PALMD: variants seen among roughly 807,000 people sequenced by gnomAD.
PALMD encodes the protein palmdelphin.
In PALMD, 42 loss-of-function variants were observed where a neutral mutation model predicts 56.2. The observed-to-expected ratio is 0.75, with a 90% CI of 0.58 to 0.97. PALMD has a LOEUF of 0.97. PALMD is among the 50% of genes least tolerant of loss of function. The probability of loss-of-function intolerance (pLI) is 0.00; values close to 1 mark genes in which losing one functional copy is unlikely to be tolerated. For synonymous variants in PALMD, 242 were observed against 222.9 expected, an observed-to-expected ratio of 1.09 and a Z score of -0.76; for missense variants, 660 against 643.8, an observed-to-expected ratio of 1.03 and a Z score of -0.27.
chr1:99,649,391 T>C (rs1316564065), intron 1 of PALMD, among the ~76,000 whole-genome samples: 1 of 152,216 alleles, frequency 6.6e-6, no homozygotes, highest in Non-Finnish European at 1.5e-5. Flanking sequence ...AATTCAATAG[T>C]ATTTTGAAAT....
intron 3 of PALMD, 145 bp from the exon 4 acceptor site, chr1:99,686,531 T>G: frequency 1.9e-6 from 1 of 539,264 alleles, no homozygotes; most frequent in South Asian, 3.0e-5. Context: ...CTTAGTGTGA[T>G]GCTAAGTGTG....
At position 99,689,004 on chromosome 1, in the gene PALMD, G is replaced by A. The variant is rs760602990; in HGVS notation, c.744G>A (p.Glu248=). 5.8e-5 allele frequency: 94 copies of A among 1,613,660 alleles called. No individual in the cohort carries two copies. The highest frequency in any genetic ancestry group is 7.9e-5 in the Non-Finnish European group (93 of 1,179,818). The change falls in exon 7 of 8, where the codon GAG becomes GAA. Residue 248 remains glutamate (E), a synonymous_variant. Transcript: ENST00000263174. ...EVEELLRQAS[E]RNSKSPTEYH... is the part of the protein sequence containing the mutation. Reference sequence around the variant, plus strand: ...AGGAACTTCTAAGACAAGCCTCAGAGAGAAACTCTAAATCCCCAACAGAGT... The same window carrying A: ...AGGAACTTCTAAGACAAGCCTCAGAAAGAAACTCTAAATCCCCAACAGAGT...
chr1:99,694,075 CT>C lies in PALMD; in HGVS notation c.*14del. The C allele has an allele frequency of 6.5e-7, 1 of 1,547,616 alleles. No homozygotes were observed. The highest frequency in any genetic ancestry group is 1.7e-4 in the Middle Eastern group (1 of 5,802). ...AAAGGTGATCTAAGAGTTGTACCACCTATATAAACATCCTTTGAAGAAGAAA... is the reference window on the plus strand; with the variant it reads ...AAAGGTGATCTAAGAGTTGTACCACCATATAAACATCCTTTGAAGAAGAAA... On this transcript the variant is annotated 3_prime_UTR_variant, in exon 8 of 8. Transcript: ENST00000263174.
At chr1:99,652,550 G>A (rs1189734874) in intron 1 of PALMD, among the ~76,000 whole-genome samples, 1 of 151,786 alleles carries the variant, frequency 6.6e-6, no homozygotes, top group Non-Finnish European at 1.5e-5. Flanking sequence ...GTTGCAGTGA[G>A]CTGTGATTGC....
chr1:99,687,861 T>C (rs909288694), intron 6 of PALMD, among the ~76,000 whole-genome samples: 5 of 149,490 alleles, frequency 3.3e-5, no homozygotes, highest in African/African-American at 1.2e-4. Flanking sequence ...AGATGAGGGG[T>C]GTTGCAGTTT....
intron 2 of PALMD, among the ~76,000 whole-genome samples, chr1:99,663,454 T>C (rs1652898520): frequency 6.6e-6 from 1 of 151,972 alleles, no homozygotes; most frequent in Non-Finnish European, 1.5e-5. Context: ...AGTTCCAAGT[T>C]GTTCCAGTGC....
Position 99,694,274 on chromosome 1 carries a change from G to A in PALMD, c.*212G>A. 1 of 432,236 alleles carries A rather than the reference G, an allele frequency of 2.3e-6. No homozygotes were observed. Among genetic ancestry groups the A allele is most frequent in the Non-Finnish European group, 4.2e-6 (1 of 237,462 alleles). 26.8% of individuals were successfully genotyped at this position (432,236 alleles called of 1,614,324 possible). On this transcript the variant is annotated 3_prime_UTR_variant, in exon 8 of 8. Coordinates refer to ENST00000263174, the MANE Select transcript of PALMD (RefSeq NM_017734.5). ...AAATGTGTAACTTTTCCAGTTACTT[G>A]ACACGATTCAGTGGGGGAAAACCAG...
At chr1:99,670,976 T>A (rs1653072917) in intron 3 of PALMD, among the ~76,000 whole-genome samples, 1 of 152,202 alleles carries the variant, frequency 6.6e-6, no homozygotes, top group African/African-American at 2.4e-5. Context: ...CCACAGTGCT[T>A]GAGAAGCTCT....
intron 6 of PALMD, 120 bp from the exon 7 acceptor site, chr1:99,688,655 C>A: frequency 1.6e-6 from 1 of 637,970 alleles, no homozygotes; most frequent in Non-Finnish European, 2.7e-6. Flanking sequence ...AAAAAATAGA[C>A]AACATCTCAC....
intron 3 of PALMD, among the ~76,000 whole-genome samples, chr1:99,683,054 A>AAGAGAG (rs775605217): frequency 1.1e-4 from 3 of 26,276 alleles, no homozygotes; most frequent in Non-Finnish European, 2.3e-4. Flanking sequence ...GAAAGAAAGA[A>AAGAGAG]AGAGAGAGAG....
intron 2 of PALMD, among the ~76,000 whole-genome samples, chr1:99,662,896 A>C (rs889423190): frequency 3.3e-5 from 5 of 152,226 alleles, no homozygotes; most frequent in African/African-American, 9.6e-5. Context: ...TTTTGACAGA[A>C]CATGAGATCA....
intron 2 of PALMD, 81 bp downstream of exon 2, chr1:99,662,480 C>A: frequency 1.2e-6 from 1 of 866,600 alleles, no homozygotes; most frequent in Non-Finnish European, 1.9e-6. Context: ...AGTAAAAAAG[C>A]TTTAGGAAAG....
rs1458270217 is a variant in PALMD, at chr1:99,689,287, C to G, written c.1027C>G (p.Pro343Ala). The G allele has an allele frequency of 8.1e-6, 13 of 1,613,496 alleles. No homozygotes were observed. The highest frequency in any genetic ancestry group is 9.3e-6 in the Non-Finnish European group (11 of 1,179,842). ...IQQAEEKLHT[P>A]QKRLMTPWEE... ...ACAAGCAGAAGAGAAGCTTCACACC[C>G]CGCAAAAAAGGCTAATGACTCCTTG... Residue 343 changes from proline (P) to alanine (A), a missense_variant, in exon 7 of 8, where the codon CCG (proline) becomes GCG (alanine). Coordinates refer to ENST00000263174, the MANE Select transcript of PALMD (RefSeq NM_017734.5).
intron 3 of PALMD, among the ~76,000 whole-genome samples, chr1:99,683,104 A>G (rs368991690): frequency 1.5e-3 from 133 of 88,502 alleles, no homozygotes; most frequent in East Asian, 8.6e-3. Context: ...GAAAGAAAGA[A>G]AGAAAGAAAG....
chr1:99,646,321 G>T lies in PALMD; in HGVS notation c.4G>T (p.Glu2Ter). ...CTGACTGTCCTTGACTTCTAGAATGGAAGAAGCTGAGCTGGTGAAGGGAAG... is the reference window on the plus strand; with the variant it reads ...CTGACTGTCCTTGACTTCTAGAATGTAAGAAGCTGAGCTGGTGAAGGGAAG... The part of the protein sequence containing the change: M[E>*]EAELVKGRLQ... Residue 2 changes from glutamate (E) to a stop codon, truncating the protein, a stop_gained, in exon 1 of 8, where the codon GAA (glutamate) becomes TAA (stop). Coordinates refer to ENST00000263174, the MANE Select transcript of PALMD (RefSeq NM_017734.5). LOFTEE classifies it high-confidence loss of function. 1 of 1,613,232 alleles carries T rather than the reference G, an allele frequency of 6.2e-7. No individual in the cohort carries two copies. Among genetic ancestry groups the T allele is most frequent in the Non-Finnish European group, 8.5e-7 (1 of 1,179,204 alleles).
chr1:99,685,312 T>C (rs1557674668), intron 3 of PALMD: 1 of 152,168 alleles, frequency 6.6e-6, no homozygotes, highest in Non-Finnish European at 1.5e-5. Context: ...TCACTTTTAG[T>C]GCAGAGCTTT....
At chr1:99,660,759 G>A (rs1453774535) in intron 1 of PALMD, among the ~76,000 whole-genome samples, 1 of 152,082 alleles carries the variant, frequency 6.6e-6, no homozygotes, top group Admixed American at 6.6e-5. Flanking sequence ...GGTAGTATGC[G>A]CCTGTAGTCC....
chr1:99,686,718 A>T lies in PALMD; in HGVS notation c.294A>T (p.Gln98His), dbSNP rs1390468328. 2 of 1,608,764 alleles carry T rather than the reference A, an allele frequency of 1.2e-6. No individual in the cohort carries two copies. The highest frequency in any genetic ancestry group is 4.5e-5 in the East Asian group (2 of 44,720). ...AAGATCTTGAAAAAGCTGAACTGCA[A>T]ATCTCAACGAAGGAAGAGGCCATTT... Reference protein sequence around the residue: ...EIQDLEKAELQISTKEEAILK... With the variant: ...EIQDLEKAELHISTKEEAILK... The change falls in exon 4 of 8, where the codon CAA becomes CAT. Residue 98 changes from glutamine to histidine, a missense_variant. Transcript: ENST00000263174.
intron 7 of PALMD, among the ~76,000 whole-genome samples, chr1:99,692,490 T>C (rs1653670889): frequency 6.6e-6 from 1 of 152,140 alleles, no homozygotes; most frequent in African/African-American, 2.4e-5. Flanking sequence ...CCAAGCCTTC[T>C]ATTGCCAACA....
Sources: gnomAD v4.1 joint callset for allele counts (sites outside exome capture counted in the v4.1 genomes callset) on GRCh38, gnomAD v4.1.1 for gene constraint, MANE v1.5 for transcripts, NCBI Gene and HGNC (gene_info 2026-07-23, HGNC 2026-07-21) for gene names.